The following LRRC20 variants were observed in gnomAD, a reference collection of about 807,000 sequenced individuals.
LRRC20 encodes the protein leucine rich repeat containing 20, also known as leucine-rich repeat-containing protein 20.
LRRC20 carries 11 observed loss-of-function variants against 14.4 expected under a neutral mutation model. The observed-to-expected ratio is 0.77, with a 90% CI of 0.48 to 1.27. The LOEUF is 1.27. Ranked by LOEUF, LRRC20 falls within the 50% of genes most tolerant of loss-of-function variation. The probability of loss-of-function intolerance (pLI) is 0.00; values close to 1 mark genes in which losing one functional copy is unlikely to be tolerated. For missense variants in LRRC20, 219 were observed against 251.2 expected (o/e 0.87, Z 0.87); for synonymous variants, 121 against 107.3 (o/e 1.13, Z -0.79).
intron 2 of LRRC20, among the ~76,000 whole-genome samples, chr10:70,361,572 A>G (rs1254931693): frequency 1.3e-5 from 2 of 152,226 alleles, no homozygotes; most frequent in Admixed American, 6.5e-5. Flanking sequence ...CAGTGTTAAG[A>G]GAAGCAAACA....
intron 3 of LRRC20, among the ~76,000 whole-genome samples, 181 bp downstream of exon 3, chr10:70,340,372 T>G (rs966359171): frequency 1.3e-5 from 2 of 152,218 alleles, no homozygotes; most frequent in Non-Finnish European, 2.9e-5. Context: ...GAGGCAGAAG[T>G]GACCTAGAGA....
At chr10:70,378,720 C>T (rs895467440) in intron 1 of LRRC20, among the ~76,000 whole-genome samples, 1 of 147,934 alleles carries the variant, frequency 6.8e-6, no homozygotes, top group Non-Finnish European at 1.5e-5. Context: ...TGCAGTGAGC[C>T]GAGATTGTGT....
rs556810193 is a variant in LRRC20, at chr10:70,351,629, G to A, written c.83-10927C>T. On this transcript the variant is annotated intron_variant, in intron 2 of 4. Coordinates refer to ENST00000446961, the MANE Select transcript of LRRC20 (RefSeq NM_001278212.2). ...AAAATACACATAACAAAAATTTAGCGAGCGATATGACCAAGTTTTACGGGA... is the reference window on the plus strand; with the variant it reads ...AAAATACACATAACAAAAATTTAGCAAGCGATATGACCAAGTTTTACGGGA... Among the ~76,000 whole-genome samples, 7 of 152,122 alleles carry A rather than the reference G, an allele frequency of 4.6e-5. No individual in the cohort carries two copies. The South Asian group carries it at 1.2e-3, about 27-fold the overall frequency.
At chr10:70,301,577 C>T in intron 4 of LRRC20, 69 bp from the exon 5 acceptor site, 2 of 1,556,426 alleles carry the variant, frequency 1.3e-6, no homozygotes, top group Non-Finnish European at 1.8e-6. Flanking sequence ...GACAATGGGC[C>T]ATGAGGACTC....
chr10:70,329,107 A>T (rs1358467172), intron 3 of LRRC20, among the ~76,000 whole-genome samples: 2 of 152,216 alleles, frequency 1.3e-5, no homozygotes, highest in Non-Finnish European at 2.9e-5. Context: ...TTACTCAAAA[A>T]ATATTACTCA....
At chr10:70,330,939 CAA>C (rs1842512085) in intron 3 of LRRC20, among the ~76,000 whole-genome samples, 1 of 152,206 alleles carries the variant, frequency 6.6e-6, no homozygotes, top group Non-Finnish European at 1.5e-5. Context: ...GCTTCCATGG[CAA>C]AGAGCCTGAC....
rs369608897 is a variant in LRRC20, at chr10:70,324,038, G to T, written c.233-8C>A. On this transcript the variant is annotated splice_region_variant and splice_polypyrimidine_tract_variant and intron_variant, in intron 3 of 4. Coordinates refer to ENST00000446961, the MANE Select transcript of LRRC20 (RefSeq NM_001278212.2). ...TCCCCTCCAGGTGGAGCTCTGCCAC[G>T]TGCAGGGAAGGAGAGAGAACAGGAT... is the stretch of plus-strand genomic sequence containing the variant. The T allele has an allele frequency of 5.0e-6, 8 of 1,613,366 alleles. No individual in the cohort carries two copies. The highest frequency in any genetic ancestry group is 1.7e-5 in the Admixed American group (1 of 60,024).
intron 2 of LRRC20, among the ~76,000 whole-genome samples, chr10:70,357,734 C>A (rs772240182): frequency 6.6e-6 from 1 of 152,210 alleles, no homozygotes; most frequent in Non-Finnish European, 1.5e-5. Flanking sequence ...AAATCCCACA[C>A]AGAATACAAT....
chr10:70,344,127 C>T (rs1194876878), intron 2 of LRRC20, among the ~76,000 whole-genome samples: 2 of 151,348 alleles, frequency 1.3e-5, no homozygotes, highest in Admixed American at 1.3e-4. Flanking sequence ...CGCTTGAACC[C>T]AAGAGGTCAA....
chr10:70,364,473 G>T (rs1422559665), intron 2 of LRRC20, among the ~76,000 whole-genome samples: 1 of 152,248 alleles, frequency 6.6e-6, no homozygotes, highest in Non-Finnish European at 1.5e-5. Flanking sequence ...AAAATGTTGT[G>T]ATTCAGTGGG....
At chr10:70,337,912 T>C (rs1275478198) in intron 3 of LRRC20, among the ~76,000 whole-genome samples, 1 of 152,108 alleles carries the variant, frequency 6.6e-6, no homozygotes, top group Non-Finnish European at 1.5e-5. Context: ...ACTCTCCTCT[T>C]ACCCAAAGGG....
chr10:70,322,488 G>A (rs1842126238), intron 4 of LRRC20, among the ~76,000 whole-genome samples: 2 of 152,336 alleles, frequency 1.3e-5, no homozygotes, highest in East Asian at 1.9e-4. Context: ...CAGCACGGGA[G>A]GGAGAGCCGC....
chr10:70,345,623 C>T lies in LRRC20; in HGVS notation c.83-4921G>A, dbSNP rs182996663. ...TTAAGACCACCTGAGAAGGAAAGGA[C>T]GTAAGATATTTACAAAGGAAAAAAC... On this transcript the variant is annotated intron_variant, in intron 2 of 4. Coordinates refer to ENST00000446961, the MANE Select transcript of LRRC20 (RefSeq NM_001278212.2). 6.0e-4 allele frequency among the ~76,000 whole-genome samples: 92 copies of T among 152,122 alleles called. 2 individuals are homozygous for T. Among genetic ancestry groups the T allele is most frequent in the South Asian group, 3.3e-3 (16 of 4,810 alleles).
chr10:70,356,373 G>T (rs1390843785), intron 2 of LRRC20, among the ~76,000 whole-genome samples: 2 of 152,140 alleles, frequency 1.3e-5, no homozygotes, highest in Non-Finnish European at 2.9e-5. Flanking sequence ...GTAGCTGGGT[G>T]TGGTAGTGCA....
chr10:70,351,432 TC>T (rs1261211507), intron 2 of LRRC20, among the ~76,000 whole-genome samples: 2 of 152,160 alleles, frequency 1.3e-5, no homozygotes, highest in Non-Finnish European at 2.9e-5. Flanking sequence ...ATGGGAGGGC[TC>T]CCTCCTCCTT....
intron 2 of LRRC20, among the ~76,000 whole-genome samples, chr10:70,363,490 G>C (rs1258833446): frequency 6.6e-6 from 1 of 152,166 alleles, no homozygotes; most frequent in Non-Finnish European, 1.5e-5. Context: ...CCAGAATTGT[G>C]AGAAATAAAT....
intron 4 of LRRC20, among the ~76,000 whole-genome samples, chr10:70,304,027 GTT>G (rs911746961): frequency 6.7e-6 from 1 of 149,308 alleles, no homozygotes; most frequent in African/African-American, 2.5e-5. Context: ...TTTCGCCTCA[GTT>G]TTTTTTTTAA....
At chr10:70,328,800 C>T (rs918532104) in intron 3 of LRRC20, among the ~76,000 whole-genome samples, 1 of 152,100 alleles carries the variant, frequency 6.6e-6, no homozygotes, top group African/African-American at 2.4e-5. Flanking sequence ...CAGCTGTAAT[C>T]CCAGCTACTT....
intron 2 of LRRC20, among the ~76,000 whole-genome samples, chr10:70,364,466 ATGT>A (rs369570370): frequency 6.1e-4 from 93 of 152,358 alleles, no homozygotes; most frequent in African/African-American, 2.1e-3. Context: ...AACGAAGAAA[ATGT>A]TGTGATTCAG....
Sources: gnomAD v4.1 joint callset for allele counts (sites outside exome capture counted in the v4.1 genomes callset) on GRCh38, gnomAD v4.1.1 for gene constraint, MANE v1.5 for transcripts, NCBI Gene and HGNC (gene_info 2026-07-23, HGNC 2026-07-21) for gene names.